Variants in LRRC56 observed in about 807,000 individuals in gnomAD.
LRRC56 encodes the protein leucine rich repeat containing 56, also known as leucine-rich repeat-containing protein 56.
In LRRC56, 41 loss-of-function variants were observed where a neutral mutation model predicts 47.8. That is an observed-to-expected ratio of 0.86 (90% CI 0.67 to 1.11). LRRC56 has a LOEUF of 1.11. Ranked by LOEUF, LRRC56 falls within the 50% of genes most tolerant of loss-of-function variation. The pLI is 0.00. For synonymous variants in LRRC56, 387 were observed against 311.2 expected (o/e 1.24, Z -2.56); for missense variants, 759 against 704.2 (o/e 1.08, Z -0.88).
At chr11:533,992 G>A (rs1851292314), upstream of LRRC56, 4 of 1,585,798 alleles carry the variant, frequency 2.5e-6, no homozygotes, top group African/African-American at 5.4e-5. Flanking sequence ...TTCCGTGGGG[G>A]GAGTTCACAC....
At chr11:543,360 G>A (rs1851899841) in intron 5 of LRRC56, among the ~76,000 whole-genome samples, 1 of 150,796 alleles carries the variant, frequency 6.6e-6, no homozygotes, top group South Asian at 2.1e-4. Flanking sequence ...GATTACAGGT[G>A]TGTGCCACCA....
chr11:536,432 A>G (rs1851497189), upstream of LRRC56, among the ~76,000 whole-genome samples: 1 of 152,278 alleles, frequency 6.6e-6, no homozygotes. Flanking sequence ...CATGTTTTTA[A>G]CATTTTTTAA....
At chr11:549,570 C>T (rs1257437658) in intron 6 of LRRC56, among the ~76,000 whole-genome samples, 2 of 152,358 alleles carry the variant, frequency 1.3e-5, no homozygotes, top group Middle Eastern at 3.4e-3. Context: ...GTGCCCCAAA[C>T]GCTACTGAGG....
intron 2 of LRRC56, among the ~76,000 whole-genome samples, chr11:539,140 G>A (rs1294528037): frequency 6.6e-6 from 1 of 152,212 alleles, no homozygotes. Flanking sequence ...GAGTGCAGTG[G>A]TGCCATCTTG....
the LRRC56 span, among the ~76,000 whole-genome samples, chr11:521,433 C>T: frequency 2.0e-5 from 3 of 152,112 alleles, no homozygotes; most frequent in African/African-American, 4.8e-5. Context: ...CTCAGCCTCC[C>T]GAGAAGCTGC....
the LRRC56 span, among the ~76,000 whole-genome samples, chr11:520,530 G>A: frequency 6.6e-6 from 1 of 152,064 alleles, no homozygotes; most frequent in Non-Finnish European, 1.5e-5. Flanking sequence ...TGTTGGCCAG[G>A]CTGGTCTCAA....
At chr11:547,226 C>T (rs1220919927) in intron 6 of LRRC56, among the ~76,000 whole-genome samples, 3 of 151,652 alleles carry the variant, frequency 2.0e-5, no homozygotes, top group Admixed American at 2.0e-4. Flanking sequence ...AGCAAGACTC[C>T]GTCTCAAAAA....
intron 6 of LRRC56, among the ~76,000 whole-genome samples, chr11:547,438 C>T (rs187422812): frequency 3.3e-5 from 5 of 151,710 alleles, no homozygotes; most frequent in African/African-American, 9.7e-5. Context: ...ACTGCAATCT[C>T]GCCTCCCGGG....
chr11:534,266 C>G (rs761648389), upstream of LRRC56: 12 of 1,613,584 alleles, frequency 7.4e-6, no homozygotes, highest in African/African-American at 9.3e-5. Context: ...GCTGGATGGT[C>G]AGCGCACTCT....
chr11:553,975 C>T lies in LRRC56; in HGVS notation c.1328C>T (p.Thr443Ile). 6.2e-7 allele frequency: 1 copy of T among 1,611,908 alleles called. No individual in the cohort carries two copies. Among genetic ancestry groups the T allele is most frequent in the Non-Finnish European group, 8.5e-7 (1 of 1,179,558 alleles). The change falls in exon 14 of 14, where the codon ACC (threonine) becomes ATC (isoleucine). Residue 443 changes from threonine to isoleucine, a missense_variant. Transcript: ENST00000270115. ...PPSLASEPSG[T>I]SSQHLVPSPP... is the part of the protein sequence containing the mutation. ...GCTTGCTTTCTAGAGCCCTCCGGGA[C>T]CTCGAGCCAGCACCTGGTCCCTTCA...
the LRRC56 span, among the ~76,000 whole-genome samples, chr11:515,259 A>C: frequency 6.6e-6 from 1 of 152,196 alleles, no homozygotes; most frequent in East Asian, 1.9e-4. Context: ...ATATCTGCCG[A>C]GAGCACAGCA....
chr11:522,684 C>T, the LRRC56 span, among the ~76,000 whole-genome samples: 16 of 152,316 alleles, frequency 1.1e-4, no homozygotes, highest in African/African-American at 3.8e-4. Flanking sequence ...CAGGAGTGGG[C>T]CACCTCACCT....
At chr11:534,701 G>A, upstream of LRRC56, 1 of 324,118 alleles carries the variant, frequency 3.1e-6, no homozygotes. Flanking sequence ...GCGCCCGAGG[G>A]CTGAGGTTAC....
At chr11:522,787 C>T in the LRRC56 span, among the ~76,000 whole-genome samples, 38 of 152,216 alleles carry the variant, frequency 2.5e-4, no homozygotes, top group African/African-American at 6.7e-4. Context: ...CGTTCCAAAG[C>T]GCAAAGGTTG....
intron 13 of LRRC56, among the ~76,000 whole-genome samples, chr11:553,210 G>A (rs1055909279): frequency 4.6e-5 from 7 of 152,228 alleles, no homozygotes; most frequent in African/African-American, 9.7e-5. Flanking sequence ...TGCCCTTTAC[G>A]AAGGACACTG....
chr11:544,843 G>A, intron 6 of LRRC56, 63 bp downstream of exon 6: 1 of 1,302,898 alleles, frequency 7.7e-7, no homozygotes, highest in Non-Finnish European at 1.1e-6. Context: ...GACAGGCCCT[G>A]CAGGGATGGG....
intron 13 of LRRC56, 89 bp downstream of exon 13, chr11:552,791 T>G: frequency 1.8e-6 from 2 of 1,103,092 alleles, no homozygotes; most frequent in Non-Finnish European, 2.6e-6. Context: ...ATCAGATGTG[T>G]CAACCTGGCC....
chr11:539,862 G>T (rs1851708249), intron 3 of LRRC56, 136 bp downstream of exon 3: 1 of 152,402 alleles, frequency 6.6e-6, no homozygotes, highest in African/African-American at 2.4e-5. Flanking sequence ...GAGGACCCCT[G>T]TGGAGAAGGA....
chr11:514,879 G>A, the LRRC56 span, among the ~76,000 whole-genome samples: 32 of 152,216 alleles, frequency 2.1e-4, no homozygotes, highest in Middle Eastern at 3.4e-3. Context: ...CAGCACTACC[G>A]AGGTTGACGC....
Sources: allele counts gnomAD v4.1 joint callset (sites outside exome capture counted in the v4.1 genomes callset), GRCh38; gene constraint gnomAD v4.1.1; transcripts MANE v1.5; gene names NCBI Gene and HGNC (gene_info 2026-07-23, HGNC 2026-07-21).